Variants in PBRM1 observed in about 807,000 individuals in gnomAD.
PBRM1 encodes the protein polybromo 1.
In PBRM1, 27 loss-of-function variants were observed where a neutral mutation model predicts 194.5. The observed-to-expected ratio is 0.14, with a 90% CI of 0.10 to 0.19. The LOEUF (loss-of-function observed/expected upper bound fraction) is 0.19. Ranked by LOEUF, PBRM1 falls within the 10% of genes least tolerant of loss-of-function variation. The pLI is 1.00. For synonymous variants in PBRM1, 655 were observed against 693.2 expected, an observed-to-expected ratio of 0.94 and a Z score of 0.87; for missense variants, 1,466 against 2,077.2, an observed-to-expected ratio of 0.71 and a Z score of 5.72.
intron 27 of PBRM1, among the ~76,000 whole-genome samples, chr3:52,554,411 G>C (rs560806328): frequency 6.6e-6 from 1 of 152,260 alleles, no homozygotes; most frequent in East Asian, 1.9e-4. Context: ...CTTCTAGGCT[G>C]TCTGGCTTTT....
chr3:52,592,259 AT>A (rs1365459482), intron 17 of PBRM1, among the ~76,000 whole-genome samples: 6 of 151,180 alleles, frequency 4.0e-5, no homozygotes, highest in Non-Finnish European at 8.8e-5. Flanking sequence ...GGCCTCTCGA[AT>A]AGCTAGGACT....
At chr3:52,620,338 T>C (rs547424828) in intron 13 of PBRM1, among the ~76,000 whole-genome samples, 2 of 152,254 alleles carry the variant, frequency 1.3e-5, no homozygotes, top group African/African-American at 4.8e-5. Context: ...GACAGAGGAA[T>C]TCAATTCTGA....
Position 52,609,437 on chromosome 3 carries a change from G to C in PBRM1, c.2443C>G (p.Pro815Ala), listed in dbSNP as rs1346329402. The C allele has an allele frequency of 8.1e-6, 13 of 1,614,060 alleles. No homozygotes were observed. The highest frequency in any genetic ancestry group is 1.1e-5 in the Non-Finnish European group (13 of 1,179,956). Residue 815 changes from proline to alanine, a missense_variant, in exon 16 of 30, where the codon CCT becomes GCT. Pro to Ala is a conservative substitution (Grantham distance 27, BLOSUM62 -1). Around this residue, in one of 5 missense-constraint regions of PBRM1, gnomAD observed 687 missense variants for 946.2 expected, o/e 0.73. Coordinates refer to ENST00000296302, the Ensembl canonical transcript of PBRM1. The surrounding 1 kb of genome is among the most constrained non-coding windows in gnomAD (Gnocchi z 4.1). ...TCAAATGTAAGGGGTGGTTTGTTAG[G>C]AAAGTTGGGATCCACAGCAGGAATT...
At chr3:52,643,191 G>T in intron 9 of PBRM1, 57 bp downstream of exon 10, 2 of 1,199,784 alleles carry the variant, frequency 1.7e-6, no homozygotes, top group Non-Finnish European at 2.5e-6. Flanking sequence ...GCAAATACTA[G>T]TATGCCTATC....
chr3:52,545,519 A>G, downstream of PBRM1: 1 of 233,142 alleles, frequency 4.3e-6, no homozygotes, highest in Non-Finnish European at 8.5e-6. Flanking sequence ...AGGTATGAAA[A>G]CATTCAAGCT....
At chr3:52,662,402 A>C (rs1235908018) in intron 3 of PBRM1, 126 bp from the exon 5 acceptor site, 2 of 708,390 alleles carry the variant, frequency 2.8e-6, no homozygotes, top group Non-Finnish European at 4.6e-6. Context: ...CTCATGATTA[A>C]AACATATATG....
At chr3:52,645,087 G>C (rs1169693560) in intron 7 of PBRM1, among the ~76,000 whole-genome samples, 1 of 152,178 alleles carries the variant, frequency 6.6e-6, no homozygotes, top group Non-Finnish European at 1.5e-5. Flanking sequence ...TGTCCGTGGA[G>C]GATACATTCC....
chr3:52,560,961 C>T (rs967453325), intron 25 of PBRM1, among the ~76,000 whole-genome samples: 3 of 151,818 alleles, frequency 2.0e-5, no homozygotes, highest in African/African-American at 7.3e-5. Context: ...TAGAGAGGAG[C>T]TCTAAACTGG....
intron 17 of PBRM1, among the ~76,000 whole-genome samples, chr3:52,595,420 C>T (rs1426464919): frequency 6.6e-6 from 1 of 152,098 alleles, no homozygotes. Flanking sequence ...ATTGTTTGTT[C>T]TGATGATCAG....
chr3:52,671,484 A>G (rs916246847), intron 2 of PBRM1, among the ~76,000 whole-genome samples: 1 of 152,218 alleles, frequency 6.6e-6, no homozygotes, highest in Non-Finnish European at 1.5e-5. Flanking sequence ...ACTCTATACC[A>G]CATAATGGTT....
chr3:52,628,830 T>C, intron 12 of PBRM1, 64 bp downstream of exon 13: 3 of 1,482,340 alleles, frequency 2.0e-6, no homozygotes, highest in Non-Finnish European at 2.8e-6. Flanking sequence ...TAGAACACAC[T>C]CAAAACATGC....
intron 7 of PBRM1, among the ~76,000 whole-genome samples, chr3:52,647,418 T>C (rs1026267948): frequency 1.1e-4 from 12 of 110,612 alleles, no homozygotes; most frequent in African/African-American, 4.4e-4. Flanking sequence ...TTCCTAGGTA[T>C]GTATCAAAGA....
upstream of PBRM1, among the ~76,000 whole-genome samples, chr3:52,683,685 G>T (rs905680031): frequency 2.4e-4 from 36 of 151,992 alleles, no homozygotes; most frequent in African/African-American, 8.2e-4. Flanking sequence ...CAAGGTGGTG[G>T]CATGCACCTG....
At chr3:52,648,252 T>C in intron 7 of PBRM1, 92 bp downstream of exon 8, 1 of 739,490 alleles carries the variant, frequency 1.4e-6, no homozygotes, top group Non-Finnish European at 2.3e-6. Context: ...ATGTGAATTA[T>C]ATCTCAATAA....
At chr3:52,597,870 A>C (rs1471680234) in intron 17 of PBRM1, among the ~76,000 whole-genome samples, 1 of 152,040 alleles carries the variant, frequency 6.6e-6, no homozygotes, top group East Asian at 1.9e-4. Context: ...CACCCGGCTA[A>C]TTTTTGTATT....
rs905597908 is a variant in PBRM1 at position 52,584,011 on chromosome 3, T to G, written c.3387+2414A>C. Among the ~76,000 whole-genome samples, 9 of 152,142 alleles carry G rather than the reference T, an allele frequency of 5.9e-5. No individual in the cohort carries two copies. The South Asian group carries it at 1.2e-3, about 21-fold the overall frequency. Reference sequence around the variant, plus strand: ...ATCTGGCAGGGCAAAGTTCTAATTTTTAAATTTAAAAAAATCCCTCAGTTC... The same window carrying G: ...ATCTGGCAGGGCAAAGTTCTAATTTGTAAATTTAAAAAAATCCCTCAGTTC... On this transcript the variant is annotated intron_variant, in intron 20 of 29. Coordinates refer to ENST00000296302, the Ensembl canonical transcript of PBRM1.
At chr3:52,554,875 C>G in exon 27 of PBRM1, 1 of 1,607,512 alleles carries the variant, frequency 6.2e-7, no homozygotes. Flanking sequence ...AGCCACCCAT[C>G]ATGCCTTGAA....
At chr3:52,578,380 A>G (rs2090242628) in intron 21 of PBRM1, among the ~76,000 whole-genome samples, 1 of 152,226 alleles carries the variant, frequency 6.6e-6, no homozygotes, top group African/African-American at 2.4e-5. Flanking sequence ...TAGGTATAAT[A>G]AATGCTTACT....
At chr3:52,658,296 T>C (rs2096647740) in exon 5 of PBRM1, 1 of 1,604,084 alleles carries the variant, frequency 6.2e-7, no homozygotes, top group African/African-American at 1.3e-5. Flanking sequence ...CAGGATCTCC[T>C]TCAAGTAAGC....
Sources: gnomAD v4.1 joint callset for allele counts (sites outside exome capture counted in the v4.1 genomes callset) on GRCh38, gnomAD v4.1.1 for gene constraint, gnomAD v4.1.1 regional missense constraint, Gnocchi (gnomAD v3.1) non-coding constraint, MANE v1.5 for transcripts, NCBI Gene and HGNC (gene_info 2026-07-23, HGNC 2026-07-21) for gene names.